The following WDR64 variants were observed in gnomAD, a reference collection of about 807,000 sequenced individuals.
The protein encoded by WDR64 is WD repeat-containing protein 64.
WDR64 carries 112 observed loss-of-function variants against 139.3 expected under a neutral mutation model. That is an observed-to-expected ratio of 0.80 (90% confidence interval 0.69 to 0.94). WDR64 has a LOEUF of 0.94. Ranked by LOEUF, WDR64 falls within the 40% of genes least tolerant of loss-of-function variation. The probability of loss-of-function intolerance (pLI) is 0.00; values close to 1 mark genes in which losing one functional copy is unlikely to be tolerated. For missense variants in WDR64, 1,206 were observed against 1,293.1 expected, an observed-to-expected ratio of 0.93 and a Z score of 1.03; for synonymous variants, 444 against 437.7, an observed-to-expected ratio of 1.01 and a Z score of -0.18.
intron 19 of WDR64, among the ~76,000 whole-genome samples, chr1:241,771,953 T>C (rs868833446): frequency 0.035 from 2,388 of 67,452 alleles, 60 homozygotes; most frequent in Middle Eastern, 0.043. Flanking sequence ...TACATATATA[T>C]ATATATATAT....
chr1:241,746,373 C>A (rs1366105449), intron 13 of WDR64, among the ~76,000 whole-genome samples: 1 of 152,158 alleles, frequency 6.6e-6, no homozygotes, highest in East Asian at 1.9e-4. Context: ...GAGCAATGAC[C>A]TAGAAATAGG....
chr1:241,744,567 T>C, intron 13 of WDR64, 51 bp downstream of exon 13: 1 of 1,605,168 alleles, frequency 6.2e-7, no homozygotes, highest in Non-Finnish European at 8.5e-7. Context: ...TCCTGAGAAT[T>C]TCCGCCAAAA....
chr1:241,679,114 G>A (rs1377966285), intron 5 of WDR64, among the ~76,000 whole-genome samples: 1 of 152,076 alleles, frequency 6.6e-6, no homozygotes, highest in East Asian at 1.9e-4. Flanking sequence ...TTCTAGCATG[G>A]GGACAGGGCT....
chr1:241,779,109 T>C (rs537192020), intron 21 of WDR64, among the ~76,000 whole-genome samples: 4 of 150,950 alleles, frequency 2.6e-5, no homozygotes, highest in African/African-American at 9.7e-5. Flanking sequence ...TATTTCTCCT[T>C]TACTTTTGAA....
intron 21 of WDR64, among the ~76,000 whole-genome samples, chr1:241,779,744 T>G (rs776170889): frequency 5.3e-5 from 8 of 152,004 alleles, no homozygotes; most frequent in Non-Finnish European, 1.0e-4. Flanking sequence ...GCAGAAGAAT[T>G]GCTTGAACCC....
chr1:241,709,506 T>C (rs1034661481), intron 8 of WDR64, among the ~76,000 whole-genome samples: 1 of 152,062 alleles, frequency 6.6e-6, no homozygotes, highest in Non-Finnish European at 1.5e-5. Flanking sequence ...TCCAGCTACT[T>C]GGGAGGTTGA....
rs541301982 is a variant in WDR64, at chr1:241,696,113, C to CAAAAAAAAAAAAAAAAAAAA, written c.974+8527_974+8546dup. 1.4e-3 allele frequency among the ~76,000 whole-genome samples: 32 copies of CAAAAAAAAAAAAAAAAAAAA among 22,322 alleles called. 6 individuals are homozygous for CAAAAAAAAAAAAAAAAAAAA. Among genetic ancestry groups the CAAAAAAAAAAAAAAAAAAAA allele is most frequent in the African/African-American group, 2.2e-3 (16 of 7,168 alleles). The allele number at this position is 22,322 out of a possible 152,430, so 14.6% of individuals were successfully genotyped here. On this transcript the variant is annotated intron_variant, in intron 8 of 27. Coordinates refer to ENST00000437684, the MANE Select transcript of WDR64 (RefSeq NM_001367482.1). ...TGTGGAATGGAATGAGACCCAGTATCAAAAAAAAAAAAAAAAAAAAAAAAA... is the reference window on the plus strand; with the variant it reads ...TGTGGAATGGAATGAGACCCAGTATCAAAAAAAAAAAAAAAAAAAAAAAAAAAAAAAAAAAAAAAAAAAAA...
chr1:241,721,165 C>T (rs967370516), intron 9 of WDR64, among the ~76,000 whole-genome samples: 20 of 151,956 alleles, frequency 1.3e-4, no homozygotes, highest in Non-Finnish European at 2.2e-4. Flanking sequence ...TGTCTCTTTT[C>T]GTACCAGTAC....
chr1:241,763,498 T>C (rs1459328468), intron 15 of WDR64, among the ~76,000 whole-genome samples: 1 of 152,090 alleles, frequency 6.6e-6, no homozygotes, highest in Non-Finnish European at 1.5e-5. Context: ...TAACTTGAGG[T>C]CAGGAGTTCC....
At chr1:241,783,706 G>C (rs867833129) in intron 23 of WDR64, among the ~76,000 whole-genome samples, 7 of 152,254 alleles carry the variant, frequency 4.6e-5, no homozygotes, top group African/African-American at 1.7e-4. Flanking sequence ...AAGTCATAGA[G>C]GGGGGCTCAG....
intron 8 of WDR64, among the ~76,000 whole-genome samples, chr1:241,692,412 A>G (rs1161544200): frequency 6.6e-6 from 1 of 152,262 alleles, no homozygotes; most frequent in East Asian, 1.9e-4. Flanking sequence ...AGTAATAAAG[A>G]TAGTGCGGTA....
Position 241,744,495 on chromosome 1 carries a change from T to C in WDR64, c.1573T>C (p.Phe525Leu), listed in dbSNP as rs1669675961. 6.2e-7 allele frequency: 1 copy of C among 1,614,140 alleles called. No individual in the cohort carries two copies. The highest frequency in any genetic ancestry group is 2.2e-5 in the East Asian group (1 of 44,880). ...SAAVDESGFLFATGAYNGTVR... is the reference protein window; with the variant it reads ...SAAVDESGFLLATGAYNGTVR... Reference sequence around the variant, plus strand: ...AGCTGTCGATGAAAGTGGATTTCTTTTTGCCACAGGAGCGTATAATGGTCA... The same window carrying C: ...AGCTGTCGATGAAAGTGGATTTCTTCTTGCCACAGGAGCGTATAATGGTCA... The change falls in exon 13 of 28, where the codon TTT (phenylalanine) becomes CTT (leucine). Residue 525 changes from phenylalanine (F) to leucine (L), a missense_variant. Coordinates refer to ENST00000437684, the MANE Select transcript of WDR64 (RefSeq NM_001367482.1).
rs868132782 is a variant in WDR64 at position 241,683,596 on chromosome 1, G to A, written c.734G>A (p.Gly245Asp). The A allele has an allele frequency of 6.4e-7, 1 of 1,551,606 alleles. No individual in the cohort carries two copies. The highest frequency in any genetic ancestry group is 8.7e-7 in the Non-Finnish European group (1 of 1,146,976). The change falls in exon 7 of 28, where the codon GGT (glycine) becomes GAT (aspartate). Residue 245 changes from glycine (G) to aspartate (D), a missense_variant. Transcript: ENST00000437684. ...RDDILLGDDG[G>D]FVNRFTVNSD... is the part of the protein sequence containing the mutation. The stretch of plus-strand genomic sequence containing the variant: ...GACATCCTCTTGGGGGATGATGGGG[G>A]TTTTGTGAACAGATTCACAGTCAAC...
At chr1:241,775,039 C>A in intron 20 of WDR64, 66 bp from the exon 21 acceptor site, 1 of 1,254,054 alleles carries the variant, frequency 8.0e-7, no homozygotes, top group Admixed American at 2.2e-5. Flanking sequence ...AAATCAATTT[C>A]AATATTAAGA....
chr1:241,673,348 A>C, intron 3 of WDR64, among the ~76,000 whole-genome samples: 1 of 152,198 alleles, frequency 6.6e-6, no homozygotes. Flanking sequence ...TTTAAAAAAA[A>C]ATAGTCTGTA....
intron 27 of WDR64, 78 bp downstream of exon 27, chr1:241,796,448 C>A: frequency 1.0e-6 from 1 of 965,278 alleles, no homozygotes; most frequent in Non-Finnish European, 1.5e-6. Flanking sequence ...AAATATGTCT[C>A]TGCTTTCAGA....
At chr1:241,705,559 A>AAATAATAATAATAAT (rs71174832) in intron 8 of WDR64, among the ~76,000 whole-genome samples, 2 of 136,668 alleles carry the variant, frequency 1.5e-5, no homozygotes, top group Non-Finnish European at 1.5e-5. Context: ...ATAAATAAAT[A>AAATAATAATAATAAT]AATAATAATA....
At chr1:241,725,500 C>A (rs1299507176) in intron 10 of WDR64, among the ~76,000 whole-genome samples, 1 of 151,946 alleles carries the variant, frequency 6.6e-6, no homozygotes, top group Middle Eastern at 3.2e-3. Flanking sequence ...ATCGGGATCT[C>A]CAAGGCCCAG....
intron 16 of WDR64, among the ~76,000 whole-genome samples, chr1:241,767,999 C>T (rs1395966534): frequency 6.6e-6 from 1 of 152,180 alleles, no homozygotes; most frequent in Non-Finnish European, 1.5e-5. Flanking sequence ...TGCTTTCACG[C>T]TGTGTCAGCT....
Sources: allele counts gnomAD v4.1 joint callset (sites outside exome capture counted in the v4.1 genomes callset), GRCh38; gene constraint gnomAD v4.1.1; transcripts MANE v1.5; gene names NCBI Gene and HGNC (gene_info 2026-07-23, HGNC 2026-07-21).